GALNT18: variants seen among roughly 807,000 people sequenced by gnomAD.
The protein encoded by GALNT18 is polypeptide N-acetylgalactosaminyltransferase 18, also known as GalNAc-transferase 18.
Under a neutral mutation model 69.5 loss-of-function variants are expected in GALNT18, and 44 were observed. The ratio of observed to expected loss-of-function variants is 0.63; its 90% CI spans 0.50 to 0.81. GALNT18 has a LOEUF of 0.81. Ranked by LOEUF, GALNT18 falls within the 40% of genes least tolerant of loss-of-function variation. The pLI is 0.00. For missense variants in GALNT18, 715 were observed against 810.0 expected, an observed-to-expected ratio of 0.88 and a Z score of 1.42; for synonymous variants, 364 against 318.2, an observed-to-expected ratio of 1.14 and a Z score of -1.53.
rs1859567918 is a variant in GALNT18, at chr11:11,598,974, T to A, written c.235+22385A>T. 6.6e-6 allele frequency among the ~76,000 whole-genome samples: 1 copy of A among 152,184 alleles called. No individual in the cohort carries two copies. The highest frequency in any genetic ancestry group is 1.5e-5 in the Non-Finnish European group (1 of 68,012). ...TGTTCATTTTAAAGGATGAGTTCAATCCTTTGAAATTTATTCAGGCTTGTT... is the reference window on the plus strand; with the variant it reads ...TGTTCATTTTAAAGGATGAGTTCAAACCTTTGAAATTTATTCAGGCTTGTT... On this transcript the variant is annotated intron_variant, in intron 1 of 10. Coordinates refer to ENST00000227756, the MANE Select transcript of GALNT18 (RefSeq NM_198516.3). This position sits in a 1 kb window ranked among gnomAD's most constrained non-coding sequence, Gnocchi z 4.8.
chr11:11,366,804 C>T (rs1329361114), intron 6 of GALNT18, among the ~76,000 whole-genome samples: 2 of 152,062 alleles, frequency 1.3e-5, no homozygotes, highest in African/African-American at 4.8e-5. Flanking sequence ...TTCTTTCATC[C>T]CTCATGCTCT....
At chr11:11,344,377 G>C (rs1850264248) in intron 6 of GALNT18, among the ~76,000 whole-genome samples, 1 of 152,176 alleles carries the variant, frequency 6.6e-6, no homozygotes, top group Non-Finnish European at 1.5e-5. Context: ...CTTCCGCTAG[G>C]TTTACCTGGT....
chr11:11,543,213 CTCATTTTGG>C lies in GALNT18; in HGVS notation c.235+78137_235+78145del, dbSNP rs1857966732. 6.6e-6 allele frequency among the ~76,000 whole-genome samples: 1 copy of C among 152,184 alleles called. No homozygotes were observed. The highest frequency in any genetic ancestry group is 1.5e-5 in the Non-Finnish European group (1 of 68,030). On this transcript the variant is annotated intron_variant, in intron 1 of 10. Coordinates refer to ENST00000227756, the MANE Select transcript of GALNT18 (RefSeq NM_198516.3). This position sits in a 1 kb window ranked among gnomAD's most constrained non-coding sequence, Gnocchi z 5.1. ...ATAATGTCTTGGATGTTTCTAGAACCTCATTTTGGAAAGTTGTTAATTCCAGCCAGGCTG... is the reference window on the plus strand; with the variant it reads ...ATAATGTCTTGGATGTTTCTAGAACCAAAGTTGTTAATTCCAGCCAGGCTG...
intron 1 of GALNT18, among the ~76,000 whole-genome samples, chr11:11,559,353 C>T (rs1177967092): frequency 6.6e-6 from 1 of 152,210 alleles, no homozygotes; most frequent in Non-Finnish European, 1.5e-5. Flanking sequence ...CCTAGTCTCT[C>T]CATCTACTGT....
At chr11:11,484,880 C>T (rs780675557) in intron 1 of GALNT18, among the ~76,000 whole-genome samples, 1 of 152,186 alleles carries the variant, frequency 6.6e-6, no homozygotes, top group Non-Finnish European at 1.5e-5. Flanking sequence ...AAAGAAGAGG[C>T]CCCAGGGCCT....
chr11:11,426,419 C>T (rs187743640), intron 3 of GALNT18, among the ~76,000 whole-genome samples: 2 of 152,306 alleles, frequency 1.3e-5, no homozygotes, highest in Non-Finnish European at 2.9e-5. Context: ...AGAACAGTGA[C>T]TCACAAAGAA....
chr11:11,575,422 C>T (rs932168873), intron 1 of GALNT18, among the ~76,000 whole-genome samples: 6 of 152,194 alleles, frequency 3.9e-5, no homozygotes, highest in African/African-American at 7.2e-5. Context: ...GCAAGGCCCA[C>T]CCTCTGACCT....
intron 10 of GALNT18, among the ~76,000 whole-genome samples, chr11:11,281,575 A>T (rs1564877852): frequency 1.3e-5 from 2 of 152,088 alleles, no homozygotes; most frequent in Non-Finnish European, 2.9e-5. Context: ...CACGTCCCGC[A>T]CAGAAGACAC....
intron 1 of GALNT18, among the ~76,000 whole-genome samples, chr11:11,468,510 G>A (rs550599759): frequency 6.6e-6 from 1 of 151,402 alleles, no homozygotes; most frequent in East Asian, 2.0e-4. Context: ...CTGAAGCAGT[G>A]CTCCCCAGCA....
At position 11,603,812 on chromosome 11, in the gene GALNT18, G is replaced by C. The variant is rs77337871; in HGVS notation, c.235+17547C>G. 0.013 allele frequency among the ~76,000 whole-genome samples: 1,949 copies of C among 152,238 alleles called. 53 individuals are homozygous for C. Among genetic ancestry groups the C allele is most frequent in the African/African-American group, 0.045 (1,868 of 41,526 alleles). ...AGAGTTATTACAAAGCATAACATTTGCTATCATAAATAAATGTGTCTTATG... is the reference window on the plus strand; with the variant it reads ...AGAGTTATTACAAAGCATAACATTTCCTATCATAAATAAATGTGTCTTATG... On this transcript the variant is annotated intron_variant, in intron 1 of 10. Coordinates refer to ENST00000227756, the MANE Select transcript of GALNT18 (RefSeq NM_198516.3). This position sits in a 1 kb window ranked among gnomAD's most constrained non-coding sequence, Gnocchi z 4.5.
intron 9 of GALNT18, among the ~76,000 whole-genome samples, 199 bp from the exon 10 acceptor site, chr11:11,293,392 G>C (rs922434027): frequency 1.3e-5 from 2 of 152,174 alleles, no homozygotes; most frequent in Admixed American, 6.5e-5. Context: ...ATCCGGTATA[G>C]TGTCTGGTCC....
At chr11:11,278,056 T>A (rs1362823076) in intron 10 of GALNT18, among the ~76,000 whole-genome samples, 1 of 151,084 alleles carries the variant, frequency 6.6e-6, no homozygotes, top group Non-Finnish European at 1.5e-5. Context: ...TGGATATCCC[T>A]GTTAACCTTT....
intron 1 of GALNT18, among the ~76,000 whole-genome samples, chr11:11,533,452 G>C (rs1483138006): frequency 6.6e-6 from 1 of 152,170 alleles, no homozygotes; most frequent in Non-Finnish European, 1.5e-5. Context: ...CAATGCCACA[G>C]TGCTCTTTAT....
intron 6 of GALNT18, among the ~76,000 whole-genome samples, chr11:11,359,877 G>A (rs966175249): frequency 4.6e-5 from 7 of 152,146 alleles, no homozygotes; most frequent in African/African-American, 1.7e-4. Flanking sequence ...TGGGTAAGGA[G>A]GGAGTTATTT....
At chr11:11,284,642 T>C (rs1413889883) in intron 10 of GALNT18, among the ~76,000 whole-genome samples, 8 of 152,232 alleles carry the variant, frequency 5.3e-5, no homozygotes, top group Non-Finnish European at 1.2e-4. Flanking sequence ...AATACTTCTC[T>C]GCTTATTTTA....
intron 3 of GALNT18, among the ~76,000 whole-genome samples, chr11:11,395,145 C>A (rs1205849304): frequency 6.6e-6 from 1 of 152,236 alleles, no homozygotes; most frequent in East Asian, 1.9e-4. Flanking sequence ...AAGGTTCAGG[C>A]CCTGTCAACC....
rs1160231911 is a variant in GALNT18, at chr11:11,323,460, G to C, written c.1512+3626C>G. On this transcript the variant is annotated intron_variant, in intron 9 of 10. Coordinates refer to ENST00000227756, the MANE Select transcript of GALNT18 (RefSeq NM_198516.3). ...AAGTCAAATTCCATTAGCTCTTAAGGCTCAAGAATAACCCTCTTTGGCTCA... is the reference window on the plus strand; with the variant it reads ...AAGTCAAATTCCATTAGCTCTTAAGCCTCAAGAATAACCCTCTTTGGCTCA... 2.6e-5 allele frequency among the ~76,000 whole-genome samples: 4 copies of C among 152,296 alleles called. No homozygotes were observed. The East Asian group carries it at 7.7e-4, about 29-fold the overall frequency.
chr11:11,371,604 G>C (rs1163626049), intron 6 of GALNT18, among the ~76,000 whole-genome samples: 1 of 152,116 alleles, frequency 6.6e-6, no homozygotes, highest in African/African-American at 2.4e-5. Flanking sequence ...GCTGGCTGCT[G>C]AGGGTTCCCC....
chr11:11,400,639 TCAAC>T (rs1209468482), intron 3 of GALNT18, among the ~76,000 whole-genome samples: 1 of 152,156 alleles, frequency 6.6e-6, no homozygotes, highest in African/African-American at 2.4e-5. Context: ...TCCTGGCTCA[TCAAC>T]CACTGTCTTC....
Sources: allele counts gnomAD v4.1 joint callset (sites outside exome capture counted in the v4.1 genomes callset), GRCh38; gene constraint gnomAD v4.1.1; non-coding constraint Gnocchi (gnomAD v3.1); transcripts MANE v1.5; gene names NCBI Gene and HGNC (gene_info 2026-07-23, HGNC 2026-07-21).